Variants in CAMK1D observed in about 807,000 individuals in gnomAD.
The protein encoded by CAMK1D is calcium/calmodulin dependent protein kinase ID.
In CAMK1D, 9 loss-of-function variants were observed where a neutral mutation model predicts 47.7. The ratio of observed to expected loss-of-function variants is 0.19; its 90% confidence interval spans 0.11 to 0.33. The LOEUF (loss-of-function observed/expected upper bound fraction) is 0.33. CAMK1D is among the 10% of genes least tolerant of loss of function. The pLI, the probability that CAMK1D is intolerant of heterozygous loss-of-function variation, is 1.00. For synonymous variants in CAMK1D, 184 were observed against 184.9 expected, an observed-to-expected ratio of 0.99 and a Z score of 0.04; for missense variants, 291 against 488.7, an observed-to-expected ratio of 0.60 and a Z score of 3.81.
intron 3 of CAMK1D, among the ~76,000 whole-genome samples, chr10:12,736,222 C>T (rs1344829210): frequency 6.6e-6 from 1 of 152,214 alleles, no homozygotes; most frequent in Admixed American, 6.5e-5. Flanking sequence ...CTCTTGCCTC[C>T]CCTCAACTTC....
At chr10:12,541,202 A>C (rs1836159101) in intron 1 of CAMK1D, among the ~76,000 whole-genome samples, 1 of 152,218 alleles carries the variant, frequency 6.6e-6, no homozygotes, top group Admixed American at 6.5e-5. Context: ...TTAGCACTAC[A>C]AAATGTCATT....
chr10:12,600,687 G>T (rs974875352), intron 2 of CAMK1D, among the ~76,000 whole-genome samples: 1 of 152,170 alleles, frequency 6.6e-6, no homozygotes, highest in African/African-American at 2.4e-5. Flanking sequence ...GATCTATTGC[G>T]TAGTGGTGAA....
chr10:12,387,783 C>A (rs759746720), intron 1 of CAMK1D, among the ~76,000 whole-genome samples: 8 of 152,028 alleles, frequency 5.3e-5, no homozygotes, highest in Non-Finnish European at 8.8e-5. Context: ...CGCTACCGTA[C>A]CTGGCCTGTG....
At chr10:12,781,792 C>A (rs547097138) in intron 5 of CAMK1D, among the ~76,000 whole-genome samples, 1 of 151,952 alleles carries the variant, frequency 6.6e-6, no homozygotes, top group Admixed American at 6.6e-5. Flanking sequence ...GCTGGGATTA[C>A]AAGCACGCAT....
intron 3 of CAMK1D, among the ~76,000 whole-genome samples, chr10:12,708,413 A>G (rs1007553): frequency 0.84 from 127,308 of 152,130 alleles, 55,665 homozygotes; most frequent in Non-Finnish European, 0.96. Context: ...AGAGTAACGC[A>G]TATGCTGTGC....
In CAMK1D at chr10:12,768,456, G is replaced by C. The variant is rs571287122; in HGVS notation, c.439-1217G>C. Among the ~76,000 whole-genome samples, 12 of 152,290 alleles carry C rather than the reference G, an allele frequency of 7.9e-5. No homozygotes were observed. In the East Asian group the frequency reaches 1.7e-3, roughly 22 times the overall value. On this transcript the variant is annotated intron_variant, in intron 4 of 10. Coordinates refer to ENST00000619168, the MANE Select transcript of CAMK1D (RefSeq NM_153498.4). ...AGAATGTGGCTGTCCCCGCTGGGGC[G>C]GGGGAGGAGAGCTGGATGGGAAATG...
At chr10:12,485,915 T>A (rs1348593000) in intron 1 of CAMK1D, among the ~76,000 whole-genome samples, 1 of 152,152 alleles carries the variant, frequency 6.6e-6, no homozygotes, top group Non-Finnish European at 1.5e-5. Context: ...GAGTCTTTGG[T>A]GTCCATCCCA....
At chr10:12,733,522 A>G (rs1834991265) in intron 3 of CAMK1D, among the ~76,000 whole-genome samples, 1 of 152,198 alleles carries the variant, frequency 6.6e-6, no homozygotes, top group Non-Finnish European at 1.5e-5. Flanking sequence ...AGACTAGGCA[A>G]TAATCAGACC....
chr10:12,374,054 G>A (rs1838093617), intron 1 of CAMK1D, among the ~76,000 whole-genome samples: 1 of 150,782 alleles, frequency 6.6e-6, no homozygotes, highest in African/African-American at 2.4e-5. Context: ...GAGATCAGGA[G>A]TGCAGGACCA....
At chr10:12,709,035 G>A (rs1833834344) in intron 3 of CAMK1D, among the ~76,000 whole-genome samples, 1 of 152,206 alleles carries the variant, frequency 6.6e-6, no homozygotes, top group Non-Finnish European at 1.5e-5. Context: ...TGGGAGTGGG[G>A]GGCACAGATC....
chr10:12,801,354 T>TTATCTATCTTATCTATCTATCTATC (rs1838457784), intron 6 of CAMK1D, among the ~76,000 whole-genome samples: 1 of 66,490 alleles, frequency 1.5e-5, no homozygotes, highest in Admixed American at 1.7e-4. Context: ...TCTATCTATC[T>TTATCTATCTTATCTATCTATCTATC]TATCTATCTA....
chr10:12,641,534 T>C (rs1839665397), intron 2 of CAMK1D, among the ~76,000 whole-genome samples: 1 of 151,040 alleles, frequency 6.6e-6, no homozygotes, highest in African/African-American at 2.4e-5. Context: ...GGGAGGATCA[T>C]CTGAGCCTGG....
chr10:12,562,784 C>T (rs1836985958), intron 2 of CAMK1D, among the ~76,000 whole-genome samples: 1 of 152,140 alleles, frequency 6.6e-6, no homozygotes, highest in South Asian at 2.1e-4. Flanking sequence ...TCTGCTGCTC[C>T]AAACTGTGGA....
Position 12,666,850 on chromosome 10 carries a change from G to A in CAMK1D, c.299+40G>A, listed in dbSNP as rs778959076. 29 of 1,484,460 alleles carry A rather than the reference G, an allele frequency of 2.0e-5. No homozygotes were observed. The South Asian group carries it at 2.1e-4, about 11-fold the overall frequency. The allele number at this position is 1,484,460 out of a possible 1,614,324, so 92.0% of individuals were successfully genotyped here. A position where few individuals can be genotyped will look rare whatever the true frequency, so the allele number is the denominator to read the frequency against. The stretch of plus-strand genomic sequence containing the variant: ...TGATTGATGAGTTTTGAACCAACTT[G>A]CAAACTCCAATGTCTAAAGGGATCA... On this transcript the variant is annotated intron_variant, in intron 3 of 10. Coordinates refer to ENST00000619168, the MANE Select transcript of CAMK1D (RefSeq NM_153498.4).
At chr10:12,403,511 C>T (rs1564317485) in intron 1 of CAMK1D, among the ~76,000 whole-genome samples, 1 of 152,160 alleles carries the variant, frequency 6.6e-6, no homozygotes. Flanking sequence ...AAAATTGTCT[C>T]TTGAAGTATT....
chr10:12,739,104 G>C (rs112377896), intron 3 of CAMK1D, among the ~76,000 whole-genome samples: 6 of 152,116 alleles, frequency 3.9e-5, no homozygotes, highest in African/African-American at 1.2e-4. Flanking sequence ...AGGCGTGGTG[G>C]TGTGTACTTG....
intron 3 of CAMK1D, among the ~76,000 whole-genome samples, chr10:12,725,864 C>A (rs1259860142): frequency 1.3e-5 from 2 of 152,094 alleles, no homozygotes; most frequent in African/African-American, 4.8e-5. Flanking sequence ...TCAAGCAATT[C>A]TCTTGCCTCA....
chr10:12,601,840 G>T (rs975474720), intron 2 of CAMK1D, among the ~76,000 whole-genome samples: 3 of 152,188 alleles, frequency 2.0e-5, no homozygotes, highest in African/African-American at 7.2e-5. Context: ...CTGCAGAATC[G>T]TCTTAGCCTC....
At chr10:12,461,059 C>T (rs969565984) in intron 1 of CAMK1D, among the ~76,000 whole-genome samples, 4 of 152,194 alleles carry the variant, frequency 2.6e-5, no homozygotes, top group African/African-American at 7.2e-5. Flanking sequence ...ATTCACCTTA[C>T]AGGAAGCTTG....
Sources: gnomAD v4.1 joint callset for allele counts (sites outside exome capture counted in the v4.1 genomes callset) on GRCh38, gnomAD v4.1.1 for gene constraint, MANE v1.5 for transcripts, NCBI Gene and HGNC (gene_info 2026-07-23, HGNC 2026-07-21) for gene names.